MGAT4C: variants seen among roughly 807,000 people sequenced by gnomAD.
The protein encoded by MGAT4C is MGAT4 family member C.
In MGAT4C, 19 loss-of-function variants were observed where a neutral mutation model predicts 40.1. That is an observed-to-expected ratio of 0.47 (90% CI 0.33 to 0.70). The LOEUF (loss-of-function observed/expected upper bound fraction) is 0.70. Among genes scored for constraint, MGAT4C ranks in the 30% least tolerant of loss-of-function variants. MGAT4C has a pLI of 0.02. For synonymous variants in MGAT4C, 181 were observed against 187.1 expected, an observed-to-expected ratio of 0.97 and a Z score of 0.27; for missense variants, 491 against 563.2, an observed-to-expected ratio of 0.87 and a Z score of 1.30.
At chr12:86,549,133 T>G (rs1959231719) in intron 2 of MGAT4C, among the ~76,000 whole-genome samples, 1 of 152,194 alleles carries the variant, frequency 6.6e-6, no homozygotes, top group African/African-American at 2.4e-5. Flanking sequence ...ATTTTGTTAA[T>G]GATTTTAACA....
chr12:86,120,845 A>G (rs1261848686), intron 1 of MGAT4C, among the ~76,000 whole-genome samples: 1 of 152,210 alleles, frequency 6.6e-6, no homozygotes, highest in East Asian at 1.9e-4. Flanking sequence ...TTCTCCTCCA[A>G]AGGAACGCAG....
At chr12:85,994,551 C>T (rs761739277) in intron 2 of MGAT4C, among the ~76,000 whole-genome samples, 2 of 151,990 alleles carry the variant, frequency 1.3e-5, no homozygotes, top group Non-Finnish European at 2.9e-5. Context: ...CATTCACACT[C>T]CTCCCCCACC....
chr12:86,630,399 T>G (rs1962990724), intron 2 of MGAT4C, among the ~76,000 whole-genome samples: 1 of 152,138 alleles, frequency 6.6e-6, no homozygotes, highest in Non-Finnish European at 1.5e-5. Context: ...CCTAACTCAT[T>G]TGATGAGGCC....
intron 2 of MGAT4C, among the ~76,000 whole-genome samples, chr12:86,652,335 C>T (rs185616397): frequency 1.7e-4 from 26 of 151,988 alleles, no homozygotes; most frequent in East Asian, 7.8e-4. Flanking sequence ...TAATTGCCTA[C>T]GTCCCCTATG....
chr12:86,738,346 T>C (rs2136127162), intron 1 of MGAT4C, among the ~76,000 whole-genome samples: 1 of 151,502 alleles, frequency 6.6e-6, no homozygotes, highest in South Asian at 2.1e-4. Flanking sequence ...TTCTTAGACT[T>C]AACATGTCCT....
chr12:86,135,865 C>A (rs541976734), intron 1 of MGAT4C, among the ~76,000 whole-genome samples: 4 of 152,122 alleles, frequency 2.6e-5, no homozygotes, highest in Admixed American at 2.6e-4. Flanking sequence ...TGCTAAATTA[C>A]GATGCATGTG....
chr12:86,621,852 T>A (rs146287418), intron 2 of MGAT4C, among the ~76,000 whole-genome samples: 3 of 152,346 alleles, frequency 2.0e-5, no homozygotes, highest in African/African-American at 7.2e-5. Flanking sequence ...AACCACATTT[T>A]AAATTTTGAA....
chr12:86,077,957 T>A (rs961375353), intron 1 of MGAT4C, among the ~76,000 whole-genome samples: 1 of 152,102 alleles, frequency 6.6e-6, no homozygotes, highest in Admixed American at 6.6e-5. Flanking sequence ...TAACTTCCAG[T>A]TTAATGGAAT....
At chr12:86,657,529 A>C (rs1963879974) in intron 2 of MGAT4C, among the ~76,000 whole-genome samples, 1 of 151,952 alleles carries the variant, frequency 6.6e-6, no homozygotes, top group Non-Finnish European at 1.5e-5. Context: ...GTGATAAGAA[A>C]ACCGGATAAC....
At chr12:86,088,856 G>A (rs1362686592) in intron 1 of MGAT4C, among the ~76,000 whole-genome samples, 4 of 151,912 alleles carry the variant, frequency 2.6e-5, no homozygotes, top group Non-Finnish European at 4.4e-5. Flanking sequence ...GGACCTAAAA[G>A]TAGAACTTAT....
At chr12:86,826,238 T>G (rs1453075904) in intron 1 of MGAT4C, among the ~76,000 whole-genome samples, 1 of 151,426 alleles carries the variant, frequency 6.6e-6, no homozygotes, top group African/African-American at 2.4e-5. Context: ...GTTATGTGAC[T>G]CCCCAGTATA....
intron 4 of MGAT4C, among the ~76,000 whole-genome samples, chr12:86,277,345 C>G (rs1953101595): frequency 6.6e-6 from 1 of 152,140 alleles, no homozygotes; most frequent in Non-Finnish European, 1.5e-5. Context: ...ATTGGGCTGT[C>G]TCCTCACTTT....
At chr12:86,569,137 G>A (rs1202770311) in intron 2 of MGAT4C, among the ~76,000 whole-genome samples, 1 of 151,862 alleles carries the variant, frequency 6.6e-6, no homozygotes, top group South Asian at 2.1e-4. Flanking sequence ...AAGGTTTTAT[G>A]ACTAAGACAT....
At chr12:86,080,709 A>G (rs193062122) in intron 1 of MGAT4C, among the ~76,000 whole-genome samples, 31 of 152,238 alleles carry the variant, frequency 2.0e-4, no homozygotes, top group African/African-American at 7.2e-4. Context: ...GGAGTTATGT[A>G]TTCTACTCAA....
intron 1 of MGAT4C, among the ~76,000 whole-genome samples, chr12:86,118,062 G>T (rs1417957953): frequency 6.6e-6 from 1 of 152,148 alleles, no homozygotes; most frequent in Non-Finnish European, 1.5e-5. Context: ...AAGTAAGTTT[G>T]ACTAACTACC....
At position 86,335,455 on chromosome 12, in the gene MGAT4C, T is replaced by C. The variant is rs147027450; in HGVS notation, c.-119-1328A>G. ...GTATAAGCCTAACTTAGATGAGCAA[T>C]ATTAGCAAACACAGATGGCCTGATA... On this transcript the variant is annotated intron_variant, in intron 3 of 7. Transcript: ENST00000548651. Among the ~76,000 whole-genome samples, 18 of 152,072 alleles carry C rather than the reference T, an allele frequency of 1.2e-4. 1 individual carries two copies. The East Asian group carries it at 3.3e-3, about 28-fold the overall frequency.
chr12:86,777,254 A>G (rs1951762723), intron 1 of MGAT4C, among the ~76,000 whole-genome samples: 2 of 152,228 alleles, frequency 1.3e-5, no homozygotes, highest in Non-Finnish European at 2.9e-5. Flanking sequence ...ATCCAAATAC[A>G]AGCTTAACAA....
intron 1 of MGAT4C, among the ~76,000 whole-genome samples, chr12:86,155,294 A>G (rs1884795341): frequency 6.6e-6 from 1 of 152,320 alleles, no homozygotes; most frequent in Admixed American, 6.5e-5. Flanking sequence ...ATCAAAGTAT[A>G]ATGAATAGCC....
intron 3 of MGAT4C, among the ~76,000 whole-genome samples, chr12:86,431,246 C>T (rs534413200): frequency 6.6e-6 from 1 of 152,160 alleles, no homozygotes; most frequent in East Asian, 1.9e-4. Flanking sequence ...CACAGTGGTC[C>T]CACCAAGATC....
Sources: gnomAD v4.1 joint callset for allele counts (sites outside exome capture counted in the v4.1 genomes callset) on GRCh38, gnomAD v4.1.1 for gene constraint, MANE v1.5 for transcripts, NCBI Gene and HGNC (gene_info 2026-07-23, HGNC 2026-07-21) for gene names.